INF2: variants seen among roughly 807,000 people sequenced by gnomAD.
The protein encoded by INF2 is inverted formin 2.
INF2 carries 43 observed loss-of-function variants against 123.5 expected under a neutral mutation model. The ratio of observed to expected loss-of-function variants is 0.35; its 90% CI spans 0.27 to 0.45. INF2 has a LOEUF of 0.45. INF2 is among the 20% of genes least tolerant of loss of function. INF2 has a pLI of 1.00. For synonymous variants in INF2, 851 were observed against 745.0 expected (o/e 1.14, Z -2.32); for missense variants, 1,453 against 1,682.7 (o/e 0.86, Z 2.39).
chr14:104,698,683 C>G (rs1342051670), intron 1 of INF2, among the ~76,000 whole-genome samples: 2 of 152,230 alleles, frequency 1.3e-5, no homozygotes, highest in African/African-American at 4.8e-5. Flanking sequence ...TTTGCAGGTT[C>G]AGCCTCATGC....
At chr14:104,708,106 C>T in intron 8 of INF2, 104 bp downstream of exon 8, 17 of 1,537,508 alleles carry the variant, frequency 1.1e-5, no homozygotes, top group Non-Finnish European at 1.4e-5. Flanking sequence ...CGCGTCCTGC[C>T]CGTGCGTGGC....
In INF2 at chr14:104,709,335, T is replaced by C. The variant is rs750326369; in HGVS notation, c.2004T>C (p.Asp668=). ...GGGCTGGAGATACCACCAAGTTTGA[T>C]GTGGAGGTTCTCAAACAACTCCTTA... ...MIRAGDTTKF[D]VEVLKQLLKL... Residue 668 remains aspartate (D), a synonymous_variant, in exon 11 of 23, where the codon GAT becomes GAC. Transcript: ENST00000392634. The C allele has an allele frequency of 2.1e-5, 34 of 1,613,008 alleles. No individual in the cohort carries two copies. Among genetic ancestry groups the C allele is most frequent in the Non-Finnish European group, 2.9e-5 (34 of 1,179,822 alleles).
upstream of INF2, among the ~76,000 whole-genome samples, chr14:104,685,998 GGT>G: frequency 8.7e-6 from 1 of 114,610 alleles, no homozygotes; most frequent in Non-Finnish European, 2.1e-5. Context: ...TGGATGGATG[GGT>G]AGGTGGGTGG....
intron 21 of INF2, among the ~76,000 whole-genome samples, 196 bp downstream of exon 21, chr14:104,715,052 C>T (rs1566786852): frequency 6.6e-6 from 1 of 152,210 alleles, no homozygotes. Context: ...TGCAACTATT[C>T]CTCCAACCTA....
In INF2 at chr14:104,712,301, C is replaced by T. The variant is rs150968951; in HGVS notation, c.2490-132C>T. 346 of 1,218,932 alleles carry T rather than the reference C, an allele frequency of 2.8e-4. 3 individuals carry two copies. Among genetic ancestry groups the T allele is most frequent in the Middle Eastern group, 2.1e-3 (8 of 3,820 alleles). 75.5% of individuals were successfully genotyped at this position (1,218,932 alleles called of 1,614,324 possible). A position where few individuals can be genotyped will look rare whatever the true frequency, so the allele number is the denominator to read the frequency against. ...GAACAGGCACTCAACCCCAACACTG[C>T]ACGTGCAGCCTCAGAGTACAGCCTG... On this transcript the variant is annotated intron_variant, in intron 16 of 22. Coordinates refer to ENST00000392634, the MANE Select transcript of INF2 (RefSeq NM_022489.4).
intron 1 of INF2, among the ~76,000 whole-genome samples, chr14:104,692,068 G>A (rs1045801463): frequency 6.6e-6 from 1 of 152,184 alleles, no homozygotes; most frequent in Non-Finnish European, 1.5e-5. Flanking sequence ...CCCTCTGAGG[G>A]CTCATGTCAG....
chr14:104,691,377 G>A (rs970347726), intron 1 of INF2: 11 of 152,344 alleles, frequency 7.2e-5, no homozygotes, highest in South Asian at 2.1e-4. Context: ...AGCTCTGGAC[G>A]GGGACAGTGA....
rs555937078 is a variant in INF2, at chr14:104,682,552, G to A, written c.-104+970G>A. Among the ~76,000 whole-genome samples, 12 of 152,306 alleles carry A rather than the reference G, an allele frequency of 7.9e-5. No individual in the cohort carries two copies. The South Asian group carries it at 1.0e-3, about 13-fold the overall frequency. Reference sequence around the variant, plus strand: ...TGGGATGGGCAGCACCCCTGGAGGCGTGGGGAAGGCAGAGCGGGCTGCCTG... The same window carrying A: ...TGGGATGGGCAGCACCCCTGGAGGCATGGGGAAGGCAGAGCGGGCTGCCTG... On this transcript the variant is annotated intron_variant, in intron 1 of 2. Coordinates refer to the INF2 transcript ENST00000674723.
Position 104,708,146 on chromosome 14 carries a change from G to A in INF2, c.1735+144G>A, listed in dbSNP as rs562835660. On this transcript the variant is annotated intron_variant, in intron 8 of 22. Coordinates refer to ENST00000392634, the MANE Select transcript of INF2 (RefSeq NM_022489.4). ...GCAGCCTGGCCCTTGCTCTGGGCTC[G>A]GCGCCTGTGGTTGAGGTGGGGACGG... 334 of 1,342,858 alleles carry A rather than the reference G, an allele frequency of 2.5e-4. No individual in the cohort carries two copies. The South Asian group carries it at 3.5e-3, about 14-fold the overall frequency. 83.2% of individuals were successfully genotyped at this position (1,342,858 alleles called of 1,614,324 possible). A position where few individuals can be genotyped will look rare whatever the true frequency, so the allele number is the denominator to read the frequency against.
chr14:104,697,893 G>GGC (rs1555372669), intron 1 of INF2, among the ~76,000 whole-genome samples: 1 of 152,224 alleles, frequency 6.6e-6, no homozygotes, highest in African/African-American at 2.4e-5. Flanking sequence ...CTGCCGGGGG[G>GGC]GGTGGATGGG....
intron 10 of INF2, among the ~76,000 whole-genome samples, chr14:104,709,051 G>A (rs1043286960): frequency 9.9e-5 from 15 of 152,128 alleles, no homozygotes; most frequent in Non-Finnish European, 1.8e-4. Context: ...GGCTGGACCC[G>A]ACCCATCCTG....
chr14:104,713,429 G>GC lies in INF2; in HGVS notation c.2879-12dup. The GC allele has an allele frequency of 6.2e-7, 1 of 1,606,966 alleles. No individual in the cohort carries two copies. The highest frequency in any genetic ancestry group is 8.5e-7 in the Non-Finnish European group (1 of 1,177,550). ...CAGGGTCCCATGCCGCTCTCTGAGT[G>GC]CCCCACGCTCCTCAGTCAGGAAGGG... On this transcript the variant is annotated splice_polypyrimidine_tract_variant and intron_variant, in intron 19 of 22. Coordinates refer to ENST00000392634, the MANE Select transcript of INF2 (RefSeq NM_022489.4).
In INF2 at chr14:104,710,172, G is replaced by T; in HGVS notation, c.2223G>T (p.Val741=). Residue 741 remains valine, a synonymous_variant, in exon 13 of 23, where the codon GTG becomes GTT. Coordinates refer to ENST00000392634, the MANE Select transcript of INF2 (RefSeq NM_022489.4). ...LDMVRPKAQL[V]LAACESLLTS... Reference sequence around the variant, plus strand: ...TGGTGCGGCCCAAGGCCCAGCTGGTGCTGGCTGCCTGCGAAAGTGAGTGGG... The same window carrying T: ...TGGTGCGGCCCAAGGCCCAGCTGGTTCTGGCTGCCTGCGAAAGTGAGTGGG... 6.5e-7 allele frequency: 1 copy of T among 1,549,404 alleles called. No individual in the cohort carries two copies.
At position 104,703,201 on chromosome 14, in the gene INF2, A is replaced by T. The variant is rs1424273846; in HGVS notation, c.488A>T (p.Asp163Val). The T allele has an allele frequency of 6.2e-7, 1 of 1,613,346 alleles. No homozygotes were observed. The highest frequency in any genetic ancestry group is 1.1e-5 in the South Asian group (1 of 91,080). The change falls in exon 3 of 23, where the codon GAC (aspartate) becomes GTC (valine). Residue 163 changes from aspartate to valine, a missense_variant. Asp to Val is a radical substitution (Grantham distance 152). Coordinates refer to ENST00000392634, the MANE Select transcript of INF2 (RefSeq NM_022489.4). The stretch of plus-strand genomic sequence containing the variant: ...CCCGAGGGCCACGTGCTGACCCTGG[A>T]CGCCCTGGACCACTACAAGGTGGGC... ...YSPEGHVLTLDALDHYKTVCS... is the reference protein window; with the variant it reads ...YSPEGHVLTLVALDHYKTVCS...
At chr14:104,710,844 CAGGGG>C in intron 13 of INF2, 88 bp from the exon 14 acceptor site, 1 of 1,092,682 alleles carries the variant, frequency 9.2e-7, no homozygotes, top group Non-Finnish European at 1.4e-6. Context: ...CCAGGGAGTG[CAGGGG>C]CACTGGCAAG....
At chr14:104,702,660 C>T (rs1336977922) in intron 2 of INF2, among the ~76,000 whole-genome samples, 1 of 152,264 alleles carries the variant, frequency 6.6e-6, no homozygotes, top group Non-Finnish European at 1.5e-5. Context: ...CTCAGCCCGT[C>T]TCCCCAGCCT....
At chr14:104,682,243 G>A (rs376199728) in intron 1 of INF2, among the ~76,000 whole-genome samples, 7 of 152,190 alleles carry the variant, frequency 4.6e-5, no homozygotes, top group African/African-American at 1.7e-4. Flanking sequence ...GTGTGGGGAG[G>A]GACAGGGAGG....
chr14:104,714,878 G>T (rs1402580177), intron 21 of INF2, 22 bp downstream of exon 21: 1 of 1,520,732 alleles, frequency 6.6e-7, no homozygotes. Context: ...AGGGGCCCCG[G>T]GCACCGTCCC....
chr14:104,693,981 T>C (rs747024886), intron 1 of INF2, among the ~76,000 whole-genome samples: 1 of 152,194 alleles, frequency 6.6e-6, no homozygotes, highest in African/African-American at 2.4e-5. Context: ...GCTTCCACCT[T>C]GTGCACAGAC....
Sources: gnomAD v4.1 joint callset for allele counts (sites outside exome capture counted in the v4.1 genomes callset) on GRCh38, gnomAD v4.1.1 for gene constraint, MANE v1.5 for transcripts, NCBI Gene and HGNC (gene_info 2026-07-23, HGNC 2026-07-21) for gene names.